Variants in KCNH1 observed in about 807,000 individuals in gnomAD.
The protein encoded by KCNH1 is potassium voltage-gated channel subfamily H member 1, also known as voltage-gated delayed rectifier potassium channel KCNH1.
In KCNH1, 27 loss-of-function variants were observed where a neutral mutation model predicts 69.2. The observed-to-expected ratio is 0.39, with a 90% CI of 0.29 to 0.54. KCNH1 has a LOEUF of 0.54. Ranked by LOEUF, KCNH1 falls within the 20% of genes least tolerant of loss-of-function variation. The pLI, the probability that KCNH1 is intolerant of heterozygous loss-of-function variation, is 0.68. For missense variants in KCNH1, 798 were observed against 1,261.6 expected (o/e 0.63, Z 5.57); for synonymous variants, 456 against 487.7 (o/e 0.93, Z 0.86).
At chr1:210,813,165 A>G (rs1684742222) in intron 7 of KCNH1, among the ~76,000 whole-genome samples, 1 of 152,208 alleles carries the variant, frequency 6.6e-6, no homozygotes, top group Non-Finnish European at 1.5e-5. Context: ...GTTGACACAC[A>G]TTGGACAGCA....
At chr1:210,949,563 C>T (rs1184711938) in intron 6 of KCNH1, among the ~76,000 whole-genome samples, 1 of 152,208 alleles carries the variant, frequency 6.6e-6, no homozygotes, top group East Asian at 1.9e-4. Context: ...AAGGGCAGCA[C>T]CCATGACCTC....
intron 7 of KCNH1, among the ~76,000 whole-genome samples, chr1:210,830,451 A>G (rs1257189752): frequency 1.3e-5 from 2 of 152,174 alleles, no homozygotes; most frequent in African/African-American, 4.8e-5. Context: ...CAGCAAGCAC[A>G]GGGTGGGGGT....
At chr1:211,053,873 G>A (rs1451096174) in intron 5 of KCNH1, among the ~76,000 whole-genome samples, 1 of 152,124 alleles carries the variant, frequency 6.6e-6, no homozygotes, top group Non-Finnish European at 1.5e-5. Context: ...CCTAAATTCT[G>A]AAGCAATAAA....
rs1388844330 is a variant in KCNH1 at position 210,678,554 on chromosome 1, C to T, written c.*4727G>A. On this transcript the variant is annotated 3_prime_UTR_variant, in exon 11 of 11. Transcript: ENST00000271751. ...ATTCATGCTCATTTGGACAAAGTGACAGATGCAAAGGAAAAAGAAAACCCA... is the reference window on the plus strand; with the variant it reads ...ATTCATGCTCATTTGGACAAAGTGATAGATGCAAAGGAAAAAGAAAACCCA... The T allele has an allele frequency of 6.6e-6, 1 of 151,950 alleles. No individual in the cohort carries two copies. Among genetic ancestry groups the T allele is most frequent in the African/African-American group, 2.4e-5 (1 of 41,340 alleles). 9.4% of individuals were successfully genotyped at this position (151,950 alleles called of 1,614,324 possible).
intron 6 of KCNH1, among the ~76,000 whole-genome samples, chr1:210,981,216 C>A (rs1389355345): frequency 1.3e-5 from 2 of 152,026 alleles, no homozygotes; most frequent in Non-Finnish European, 2.9e-5. Context: ...GAGTTTAACT[C>A]ATGTCTTATT....
At chr1:210,894,143 A>T (rs1686809604) in intron 7 of KCNH1, among the ~76,000 whole-genome samples, 1 of 152,134 alleles carries the variant, frequency 6.6e-6, no homozygotes, top group East Asian at 1.9e-4. Context: ...AATGTCAGAC[A>T]TTGTGAATAG....
chr1:210,776,943 A>G (rs1398927053), intron 9 of KCNH1, among the ~76,000 whole-genome samples: 1 of 152,214 alleles, frequency 6.6e-6, no homozygotes, highest in East Asian at 1.9e-4. Flanking sequence ...AATGTTGTTT[A>G]TCTTGCCTCT....
intron 9 of KCNH1, among the ~76,000 whole-genome samples, chr1:210,788,593 C>T (rs1684147220): frequency 6.6e-6 from 1 of 151,950 alleles, no homozygotes; most frequent in Admixed American, 6.6e-5. Context: ...GTCTCCGCCT[C>T]CACCCTCTCT....
At chr1:210,757,174 G>A (rs998926899) in intron 10 of KCNH1, among the ~76,000 whole-genome samples, 4 of 152,164 alleles carry the variant, frequency 2.6e-5, no homozygotes, top group African/African-American at 9.7e-5. Flanking sequence ...GGGGGCTTCA[G>A]CATGCCCTGT....
chr1:210,725,622 C>G lies in KCNH1; in HGVS notation c.2113-41484G>C, dbSNP rs1358136432. ...CACAGAGGTATGAACGATGAACAGG[C>G]TTTTAATGCTGTAGAAGCTCATTTC... is the stretch of plus-strand genomic sequence containing the variant. On this transcript the variant is annotated intron_variant, in intron 10 of 10. Transcript: ENST00000271751. 2.6e-5 allele frequency among the ~76,000 whole-genome samples: 4 copies of G among 152,158 alleles called. No homozygotes were observed. The East Asian group carries it at 5.8e-4, about 22-fold the overall frequency.
chr1:211,013,760 A>AG (rs1689442784), intron 6 of KCNH1, among the ~76,000 whole-genome samples: 1 of 152,224 alleles, frequency 6.6e-6, no homozygotes, highest in African/African-American at 2.4e-5. Context: ...AACCAAGTTG[A>AG]GGGCGATGAA....
chr1:210,926,279 A>G (rs1687571834), intron 6 of KCNH1, among the ~76,000 whole-genome samples: 1 of 151,812 alleles, frequency 6.6e-6, no homozygotes, highest in South Asian at 2.1e-4. Flanking sequence ...ACACACACAC[A>G]CACACACAAA....
intron 9 of KCNH1, among the ~76,000 whole-genome samples, chr1:210,788,339 T>A (rs1417035920): frequency 6.6e-6 from 1 of 152,222 alleles, no homozygotes; most frequent in Non-Finnish European, 1.5e-5. Context: ...TCTGCTTTTA[T>A]CCCACTTAAA....
At chr1:210,841,366 T>C (rs916337023) in intron 7 of KCNH1, among the ~76,000 whole-genome samples, 9 of 152,114 alleles carry the variant, frequency 5.9e-5, no homozygotes, top group African/African-American at 2.2e-4. Context: ...TAGCCATGAG[T>C]TTCTGGGATC....
At chr1:210,955,810 G>T (rs1480691982) in intron 6 of KCNH1, among the ~76,000 whole-genome samples, 1 of 152,158 alleles carries the variant, frequency 6.6e-6, no homozygotes, top group East Asian at 1.9e-4. Flanking sequence ...GGGCTGAGAT[G>T]ATGGGGTTTT....
intron 7 of KCNH1, chr1:210,862,393 T>C: frequency 3.3e-6 from 2 of 604,328 alleles, no homozygotes; most frequent in Non-Finnish European, 6.1e-6. Context: ...AAAAGGGCAA[T>C]GGTGCAATCT....
chr1:211,054,169 C>A (rs375652716), intron 5 of KCNH1, among the ~76,000 whole-genome samples: 4 of 151,778 alleles, frequency 2.6e-5, no homozygotes, highest in African/African-American at 9.7e-5. Flanking sequence ...GTAATCCCAG[C>A]TACTCAGGAG....
At chr1:211,076,240 AG>A (rs1479434394) in intron 5 of KCNH1, among the ~76,000 whole-genome samples, 1 of 152,228 alleles carries the variant, frequency 6.6e-6, no homozygotes, top group Non-Finnish European at 1.5e-5. Flanking sequence ...TGGTTCTCCC[AG>A]CACAGTGTTT....
At chr1:211,064,261 A>T (rs965701006) in intron 5 of KCNH1, among the ~76,000 whole-genome samples, 4 of 152,178 alleles carry the variant, frequency 2.6e-5, no homozygotes, top group Non-Finnish European at 5.9e-5. Context: ...TGAGTGGGTT[A>T]AAAAAATCAA....
Sources: allele counts gnomAD v4.1 joint callset (sites outside exome capture counted in the v4.1 genomes callset), GRCh38; gene constraint gnomAD v4.1.1; transcripts MANE v1.5; gene names NCBI Gene and HGNC (gene_info 2026-07-23, HGNC 2026-07-21).